The following FDFT1 variants were observed in gnomAD, a reference collection of about 807,000 sequenced individuals.
FDFT1 encodes farnesyl-diphosphate farnesyltransferase 1, also known as squalene synthase.
In FDFT1, 68 loss-of-function variants were observed where a neutral mutation model predicts 46.8. The ratio of observed to expected loss-of-function variants is 1.45; its 90% CI spans 1.19 to 1.78. The LOEUF is 1.78. Ranked by LOEUF, FDFT1 falls within the 40% of genes most tolerant of loss-of-function variation. The pLI is 0.00. For missense variants in FDFT1, 928 were observed against 524.4 expected (o/e 1.77, Z -7.52); for synonymous variants, 351 against 185.1 (o/e 1.90, Z -7.28).
rs553962791 is a variant in FDFT1, at chr8:11,817,809, C to T, written c.382-3941C>T. ...TGTTGATCTTTTCAAAAAACCAGCT[C>T]CTGGATTCATTAATTTTTTTTTTTG... On this transcript the variant is annotated intron_variant, in intron 3 of 7. Coordinates refer to ENST00000220584, the MANE Select transcript of FDFT1 (RefSeq NM_004462.5). Among the ~76,000 whole-genome samples the T allele has an allele frequency of 1.9e-3, 269 of 145,262 alleles. 3 individuals are homozygous for T. Among genetic ancestry groups the T allele is most frequent in the African/African-American group, 6.8e-3 (260 of 38,352 alleles).
At chr8:11,827,666 T>C (rs1810188864) in intron 5 of FDFT1, among the ~76,000 whole-genome samples, 1 of 152,150 alleles carries the variant, frequency 6.6e-6, no homozygotes, top group Non-Finnish European at 1.5e-5. Flanking sequence ...AAGAACAAGA[T>C]AGTTCACAGG....
At chr8:11,829,610 A>C (rs905631624) in intron 5 of FDFT1, among the ~76,000 whole-genome samples, 3 of 152,022 alleles carry the variant, frequency 2.0e-5, no homozygotes, top group Admixed American at 6.5e-5. Context: ...TTTCAGAAGT[A>C]GGCCAGTAGC....
chr8:11,837,277 C>T (rs1056992087), intron 7 of FDFT1, among the ~76,000 whole-genome samples: 1 of 152,206 alleles, frequency 6.6e-6, no homozygotes, highest in African/African-American at 2.4e-5. Context: ...GTCATCCAGG[C>T]TGGAGTGCAG....
At chr8:11,834,802 C>T (rs975341292) in intron 7 of FDFT1, among the ~76,000 whole-genome samples, 7 of 152,174 alleles carry the variant, frequency 4.6e-5, no homozygotes, top group African/African-American at 1.7e-4. Flanking sequence ...TTATTTCAGT[C>T]TAGTAAACAT....
chr8:11,797,465 T>A (rs371713155), upstream of FDFT1, among the ~76,000 whole-genome samples: 3 of 151,970 alleles, frequency 2.0e-5, no homozygotes, highest in East Asian at 5.8e-4. Context: ...ATCTTACTCA[T>A]CTTTGTTTTT....
chr8:11,831,382 T>C, intron 6 of FDFT1, 136 bp from the exon 7 acceptor site: 1 of 701,790 alleles, frequency 1.4e-6, no homozygotes, highest in East Asian at 2.6e-5. Context: ...GTGGGTATTT[T>C]TTCTTGAGCG....
intron 4 of FDFT1, among the ~76,000 whole-genome samples, 188 bp downstream of exon 4, chr8:11,822,066 T>C (rs574137360): frequency 6.6e-6 from 1 of 152,326 alleles, no homozygotes; most frequent in East Asian, 1.9e-4. Context: ...AGCAGCTATG[T>C]AGGATATCAG....
chr8:11,815,558 C>G (rs1370464922), intron 3 of FDFT1, among the ~76,000 whole-genome samples: 1 of 152,164 alleles, frequency 6.6e-6, no homozygotes, highest in Non-Finnish European at 1.5e-5. Flanking sequence ...TAAATGATCG[C>G]CATTGTAACT....
intron 7 of FDFT1, among the ~76,000 whole-genome samples, chr8:11,836,372 C>T (rs1372042683): frequency 1.3e-5 from 2 of 152,232 alleles, no homozygotes; most frequent in Admixed American, 6.5e-5. Context: ...TGGACCTTGC[C>T]TTCTGCTCCA....
chr8:11,802,359 A>T, upstream of FDFT1: 1 of 443,820 alleles, frequency 2.3e-6, no homozygotes, highest in East Asian at 7.0e-5. Context: ...GCAGCCCCGC[A>T]CTGCTCTCCC....
intron 3 of FDFT1, among the ~76,000 whole-genome samples, chr8:11,817,799 A>AAAACCAGC (rs1443247953): frequency 6.7e-6 from 1 of 150,250 alleles, no homozygotes; most frequent in African/African-American, 2.5e-5. Context: ...ATCTTTTCAA[A>AAAACCAGC]AAACCAGCTC....
chr8:11,805,054 C>T (rs114810964), intron 1 of FDFT1, among the ~76,000 whole-genome samples: 412 of 151,094 alleles, frequency 2.7e-3, no homozygotes, highest in African/African-American at 9.4e-3. Flanking sequence ...AGCTGGGACT[C>T]CAGGCACGTG....
intron 3 of FDFT1, among the ~76,000 whole-genome samples, chr8:11,818,274 C>T (rs1321126476): frequency 6.6e-6 from 1 of 152,162 alleles, no homozygotes; most frequent in African/African-American, 2.4e-5. Flanking sequence ...CAGTGTTTTT[C>T]TTCCAATTCT....
intron 1 of FDFT1, chr8:11,808,446 C>A (rs1380133529): frequency 7.9e-7 from 1 of 1,271,176 alleles, no homozygotes; most frequent in South Asian, 3.1e-5. Flanking sequence ...GAGCCCGTCC[C>A]GCCCCTCGTC....
chr8:11,804,908 CTT>C (rs34874686), intron 1 of FDFT1, among the ~76,000 whole-genome samples: 2,795 of 111,362 alleles, frequency 0.025, 89 homozygotes, highest in African/African-American at 0.086. Context: ...TGCACCCGGC[CTT>C]TTTTTTTTTT....
chr8:11,806,006 C>A (rs931394331), intron 1 of FDFT1, among the ~76,000 whole-genome samples: 2 of 152,134 alleles, frequency 1.3e-5, no homozygotes, highest in South Asian at 2.1e-4. Flanking sequence ...TATGTAAATT[C>A]AGTTCTCAAG....
At chr8:11,824,543 T>A (rs1809698575) in intron 4 of FDFT1, among the ~76,000 whole-genome samples, 1 of 151,822 alleles carries the variant, frequency 6.6e-6, no homozygotes, top group African/African-American at 2.4e-5. Context: ...GCCTCCTACT[T>A]CAGCCCCCTG....
At chr8:11,836,546 T>A (rs1334345085) in intron 7 of FDFT1, among the ~76,000 whole-genome samples, 4 of 152,226 alleles carry the variant, frequency 2.6e-5, no homozygotes, top group Non-Finnish European at 5.9e-5. Context: ...ACTCAACACA[T>A]CCTTGATAGG....
At chr8:11,807,597 C>G (rs112606914) in intron 1 of FDFT1, among the ~76,000 whole-genome samples, 33 of 152,338 alleles carry the variant, frequency 2.2e-4, no homozygotes, top group African/African-American at 7.7e-4. Context: ...AAAAAATAGT[C>G]CATGAAAAAA....
Sources: allele counts gnomAD v4.1 joint callset (sites outside exome capture counted in the v4.1 genomes callset), GRCh38; gene constraint gnomAD v4.1.1; transcripts MANE v1.5; gene names NCBI Gene and HGNC (gene_info 2026-07-23, HGNC 2026-07-21).